ATP11C: variants seen among roughly 807,000 people sequenced by gnomAD.
ATP11C encodes the protein phospholipid-transporting ATPase IG.
A neutral mutation model predicts 97.4 loss-of-function variants in ATP11C; 36 were observed. The observed-to-expected ratio is 0.37, with a 90% CI of 0.28 to 0.49. The LOEUF is 0.49. Among genes scored for constraint, ATP11C ranks in the 20% least tolerant of loss-of-function variants. The probability of loss-of-function intolerance (pLI) is 0.98; values close to 1 mark genes in which losing one functional copy is unlikely to be tolerated. For synonymous variants in ATP11C, 275 were observed against 290.9 expected (o/e 0.95, Z 0.56); for missense variants, 730 against 824.6 (o/e 0.89, Z 1.40).
intron 10 of ATP11C, among the ~76,000 whole-genome samples, chrX:139,797,908 A>C (rs2082836226): frequency 8.9e-6 from 1 of 111,849 alleles, no homozygotes; most frequent in Non-Finnish European, 1.9e-5. Context: ...ACCAACTTGC[A>C]TATAGCAACT....
At chrX:139,910,463 G>A (rs950777865) in intron 1 of ATP11C, among the ~76,000 whole-genome samples, 2 of 109,836 alleles carry the variant, frequency 1.8e-5, no homozygotes, top group African/African-American at 6.6e-5. Context: ...AAAATTAGCC[G>A]GGCATGGTGG....
At chrX:139,879,709 A>T (rs73581734) in intron 1 of ATP11C, among the ~76,000 whole-genome samples, 18 of 112,228 alleles carry the variant, frequency 1.6e-4, no homozygotes, top group African/African-American at 5.8e-4. Flanking sequence ...TTTGTCAATT[A>T]AATATTTTAA....
chrX:139,932,867 G>GT lies in ATP11C; in HGVS notation c.-826_-825insA, dbSNP rs1017960854. 1 of 111,168 alleles carries GT rather than the reference G, an allele frequency of 9.0e-6. No individual in the cohort carries two copies. Among genetic ancestry groups the GT allele is most frequent in the African/African-American group, 3.3e-5 (1 of 30,594 alleles). 9.2% of individuals were successfully genotyped at this position (111,168 alleles called of 1,213,427 possible). ...GCGCGGGAGGGGCGGGGCGGGGTGC[G>GT]AGGGGGGACTAGTTCTGAAAGCCCA... On this transcript the variant is annotated 5_prime_UTR_variant, in exon 1 of 30. Coordinates refer to ENST00000682941, the MANE Select transcript of ATP11C (RefSeq NM_001353812.2).
At chrX:139,846,511 A>G (rs899833779) in intron 1 of ATP11C, among the ~76,000 whole-genome samples, 1 of 111,763 alleles carries the variant, frequency 8.9e-6, no homozygotes, top group Admixed American at 9.5e-5. Context: ...TTTTGCTGCT[A>G]TTTTTTCTTT....
At chrX:139,801,085 A>T (rs545808291) in intron 7 of ATP11C, among the ~76,000 whole-genome samples, 1 of 112,470 alleles carries the variant, frequency 8.9e-6, no homozygotes, top group South Asian at 3.7e-4. Flanking sequence ...CAATCGTCTA[A>T]GGAAATAAGG....
chrX:139,846,883 T>C (rs759069665), intron 1 of ATP11C, among the ~76,000 whole-genome samples: 1 of 107,952 alleles, frequency 9.3e-6, no homozygotes, highest in South Asian at 4.2e-4. Context: ...CAGTGACTCC[T>C]GTGGCACTCT....
chrX:139,814,523 A>T (rs2083244075), intron 5 of ATP11C, among the ~76,000 whole-genome samples: 1 of 112,320 alleles, frequency 8.9e-6, no homozygotes, highest in Admixed American at 9.5e-5. Context: ...ATGAAATGTT[A>T]TTCAGCTATC....
intron 1 of ATP11C, among the ~76,000 whole-genome samples, chrX:139,839,208 C>T (rs2083791429): frequency 9.0e-6 from 1 of 111,611 alleles, no homozygotes; most frequent in Non-Finnish European, 1.9e-5. Flanking sequence ...TTGGTAGTTA[C>T]CAGGTGCTAG....
chrX:139,921,753 G>A (rs1436897055), intron 1 of ATP11C, among the ~76,000 whole-genome samples: 1 of 111,510 alleles, frequency 9.0e-6, no homozygotes, highest in East Asian at 2.8e-4. Context: ...AAAATGAACT[G>A]CCATCCTGTC....
intron 19 of ATP11C, among the ~76,000 whole-genome samples, chrX:139,769,277 CATACATATA>C (rs1270107113): frequency 5.8e-5 from 2 of 34,537 alleles, no homozygotes; most frequent in East Asian, 2.2e-3. Context: ...TTGGGGCAAA[CATACATATA>C]TATATATATA....
intron 1 of ATP11C, among the ~76,000 whole-genome samples, chrX:139,889,210 T>C (rs141805144): frequency 8.9e-6 from 1 of 112,098 alleles, no homozygotes; most frequent in Non-Finnish European, 1.9e-5. Flanking sequence ...ATTATAGTGT[T>C]ATCTCTTTAA....
intron 23 of ATP11C, among the ~76,000 whole-genome samples, chrX:139,752,167 C>G (rs1435102190): frequency 9.0e-6 from 1 of 111,089 alleles, no homozygotes; most frequent in East Asian, 2.8e-4. Context: ...TCAGAGAGAC[C>G]TTTTCAGATG....
intron 4 of ATP11C, among the ~76,000 whole-genome samples, chrX:139,816,025 GA>G (rs1256208021): frequency 1.8e-5 from 2 of 111,442 alleles, no homozygotes; most frequent in Non-Finnish European, 3.8e-5. Context: ...TCAGTCTAAG[GA>G]AAAGAACATT....
intron 1 of ATP11C, among the ~76,000 whole-genome samples, chrX:139,854,596 C>T (rs1214068071): frequency 3.7e-5 from 4 of 109,502 alleles, no homozygotes; most frequent in African/African-American, 6.7e-5. Context: ...CTGTGAAAGC[C>T]GTGAAAGAAA....
At chrX:139,920,487 G>A (rs2085241877) in intron 1 of ATP11C, among the ~76,000 whole-genome samples, 1 of 111,862 alleles carries the variant, frequency 8.9e-6, no homozygotes, top group Non-Finnish European at 1.9e-5. Context: ...TGGCAATCCA[G>A]AGATAAGAAA....
chrX:139,913,673 C>G (rs1286106136), intron 1 of ATP11C, among the ~76,000 whole-genome samples: 1 of 111,136 alleles, frequency 9.0e-6, no homozygotes, highest in African/African-American at 3.3e-5. Context: ...AGAGAACAAC[C>G]CCCTTTGACT....
At chrX:139,827,139 T>C (rs1483654838) in intron 1 of ATP11C, among the ~76,000 whole-genome samples, 1 of 112,108 alleles carries the variant, frequency 8.9e-6, no homozygotes, top group Non-Finnish European at 1.9e-5. Flanking sequence ...CAAATGAATC[T>C]TAACCATAAC....
At chrX:139,782,814 C>T in intron 17 of ATP11C, 86 bp from the exon 18 acceptor site, 1 of 683,378 alleles carries the variant, frequency 1.5e-6, no homozygotes. Context: ...CTTGCTTTAG[C>T]CATATGGACA....
intron 1 of ATP11C, among the ~76,000 whole-genome samples, chrX:139,863,608 C>G (rs1422301502): frequency 9.0e-6 from 1 of 111,326 alleles, no homozygotes; most frequent in Non-Finnish European, 1.9e-5. Context: ...AAATGGTATG[C>G]CATTACTGAT....
Sources: allele counts gnomAD v4.1 joint callset (sites outside exome capture counted in the v4.1 genomes callset), GRCh38; gene constraint gnomAD v4.1.1; transcripts MANE v1.5; gene names NCBI Gene and HGNC (gene_info 2026-07-23, HGNC 2026-07-21).